CPNE4: variants seen among roughly 807,000 people sequenced by gnomAD.
CPNE4 encodes the protein copine 4, also known as copine-4.
A neutral mutation model predicts 67.9 loss-of-function variants in CPNE4; 25 were observed. That is an observed-to-expected ratio of 0.37 (90% CI 0.27 to 0.51). The LOEUF (loss-of-function observed/expected upper bound fraction) is 0.51. Among genes scored for constraint, CPNE4 ranks in the 20% least tolerant of loss-of-function variants. The pLI, the probability that CPNE4 is intolerant of heterozygous loss-of-function variation, is 0.93. For synonymous variants in CPNE4, 242 were observed against 244.9 expected, an observed-to-expected ratio of 0.99 and a Z score of 0.11; for missense variants, 464 against 690.8, an observed-to-expected ratio of 0.67 and a Z score of 3.68.
At chr3:131,819,959 T>G (rs547687558) in intron 2 of CPNE4, among the ~76,000 whole-genome samples, 2 of 152,336 alleles carry the variant, frequency 1.3e-5, no homozygotes, top group East Asian at 3.9e-4. Flanking sequence ...CTGGAAGGAA[T>G]TGACTTTTGG....
rs2071424814 is a variant in CPNE4, at chr3:131,942,463, T to TGTGAGA, written c.-1-37020_-1-37019insTCTCAC. ...GTGTGTGTGTGTGTGTGTGTGTGTG[T>TGTGAGA]GAGAGAGAGAGAGAGAGAGAGAGAG... On this transcript the variant is annotated intron_variant, in intron 1 of 15. Coordinates refer to ENST00000429747, the MANE Select transcript of CPNE4 (RefSeq NM_130808.3). Among the ~76,000 whole-genome samples the TGTGAGA allele has an allele frequency of 4.2e-4, 30 of 70,774 alleles. 1 individual carries two copies. Among genetic ancestry groups the TGTGAGA allele is most frequent in the African/African-American group, 9.0e-4 (18 of 20,084 alleles). 46.4% of individuals were successfully genotyped at this position (70,774 alleles called of 152,430 possible).
intron 1 of CPNE4, among the ~76,000 whole-genome samples, chr3:131,949,287 C>T (rs1170824238): frequency 6.6e-6 from 1 of 152,166 alleles, no homozygotes; most frequent in Non-Finnish European, 1.5e-5. Flanking sequence ...CACTCAGTTT[C>T]TTCATTAGCT....
intron 7 of CPNE4, among the ~76,000 whole-genome samples, chr3:131,588,899 G>C (rs999198615): frequency 2.0e-5 from 3 of 152,018 alleles, no homozygotes; most frequent in Admixed American, 2.0e-4. Context: ...TTGTCTCCTT[G>C]TCTCACTTGT....
chr3:131,726,067 T>C (rs1280464645), intron 2 of CPNE4, among the ~76,000 whole-genome samples: 1 of 152,208 alleles, frequency 6.6e-6, no homozygotes, highest in Non-Finnish European at 1.5e-5. Context: ...GTGGGTGCAT[T>C]TGACATCCTC....
At chr3:131,944,807 T>C (rs1012682435) in intron 1 of CPNE4, among the ~76,000 whole-genome samples, 2 of 152,114 alleles carry the variant, frequency 1.3e-5, no homozygotes, top group Non-Finnish European at 2.9e-5. Context: ...CAAATGCCAA[T>C]ATGCATCTAA....
At chr3:131,567,110 G>T (rs1937098292) in intron 10 of CPNE4, among the ~76,000 whole-genome samples, 1 of 151,926 alleles carries the variant, frequency 6.6e-6, no homozygotes, top group African/African-American at 2.4e-5. Context: ...TGTGCTGGTT[G>T]TCTGACTGAA....
At chr3:131,782,485 C>CAT in intron 2 of CPNE4, among the ~76,000 whole-genome samples, 1 of 152,046 alleles carries the variant, frequency 6.6e-6, no homozygotes, top group East Asian at 1.9e-4. Flanking sequence ...CACACACATG[C>CAT]ACACACATGC....
intron 2 of CPNE4, among the ~76,000 whole-genome samples, chr3:131,843,272 G>T (rs939385528): frequency 3.3e-5 from 5 of 152,306 alleles, no homozygotes; most frequent in Admixed American, 2.6e-4. Context: ...GAAAATCAGA[G>T]AATCTGCAAG....
intron 7 of CPNE4, among the ~76,000 whole-genome samples, chr3:131,626,763 C>T (rs1447707049): frequency 6.6e-6 from 1 of 152,156 alleles, no homozygotes; most frequent in Non-Finnish European, 1.5e-5. Context: ...AAAGTAAATG[C>T]CATCTAGGAC....
At chr3:131,897,458 G>C (rs1055834043) in intron 2 of CPNE4, among the ~76,000 whole-genome samples, 5 of 152,092 alleles carry the variant, frequency 3.3e-5, no homozygotes, top group African/African-American at 9.7e-5. Flanking sequence ...GATAGCAGGA[G>C]GACAGTTTTG....
chr3:131,934,915 A>G (rs1423383594), intron 1 of CPNE4, among the ~76,000 whole-genome samples: 2 of 152,198 alleles, frequency 1.3e-5, no homozygotes, highest in Non-Finnish European at 2.9e-5. Flanking sequence ...TTGTGCTGGA[A>G]AAAGGGAGAT....
At chr3:131,915,629 G>A (rs2089154048) in intron 1 of CPNE4, among the ~76,000 whole-genome samples, 1 of 152,126 alleles carries the variant, frequency 6.6e-6, no homozygotes, top group African/African-American at 2.4e-5. Context: ...TGGACAATAT[G>A]CATACATGAA....
At chr3:131,855,953 T>C (rs963602489) in intron 2 of CPNE4, among the ~76,000 whole-genome samples, 1 of 151,974 alleles carries the variant, frequency 6.6e-6, no homozygotes, top group African/African-American at 2.4e-5. Context: ...CCTGCCTTTC[T>C]GAGTTCTCCT....
At chr3:131,574,072 G>C (rs760184114) in intron 10 of CPNE4, among the ~76,000 whole-genome samples, 1 of 151,950 alleles carries the variant, frequency 6.6e-6, no homozygotes, top group Non-Finnish European at 1.5e-5. Context: ...TTGGTTCCAG[G>C]AATATATAGG....
chr3:131,631,059 C>T (rs577724250), intron 7 of CPNE4, among the ~76,000 whole-genome samples: 3 of 152,178 alleles, frequency 2.0e-5, no homozygotes, highest in East Asian at 1.9e-4. Context: ...ACTTGGATGA[C>T]CTCCCAGGCC....
At chr3:131,740,296 G>T (rs2082327393) in intron 2 of CPNE4, among the ~76,000 whole-genome samples, 1 of 152,092 alleles carries the variant, frequency 6.6e-6, no homozygotes, top group Non-Finnish European at 1.5e-5. Context: ...CTCTAGACTG[G>T]CTCCCTAGGT....
intron 2 of CPNE4, among the ~76,000 whole-genome samples, chr3:131,872,529 C>A (rs1183014958): frequency 6.6e-6 from 1 of 152,170 alleles, no homozygotes; most frequent in African/African-American, 2.4e-5. Context: ...AAGGTCCACC[C>A]ACTTTAGGAA....
At chr3:131,984,486 C>A (rs1423087973) in intron 1 of CPNE4, among the ~76,000 whole-genome samples, 2 of 152,166 alleles carry the variant, frequency 1.3e-5, no homozygotes, top group African/African-American at 2.4e-5. Flanking sequence ...TCTTCTCCCC[C>A]ACCTCTATCA....
In CPNE4 at chr3:131,880,829, G is replaced by T. The variant is rs4854850; in HGVS notation, c.180+24435C>A. Among the ~76,000 whole-genome samples the T allele has an allele frequency of 6.9e-3, 1,048 of 152,000 alleles. 11 individuals carry two copies. The highest frequency in any genetic ancestry group is 0.024 in the African/African-American group (984 of 41,466). On this transcript the variant is annotated intron_variant, in intron 2 of 15. Coordinates refer to ENST00000429747, the MANE Select transcript of CPNE4 (RefSeq NM_130808.3). ...CTTTAGATAAGAGAGCTGAGAAATA[G>T]GTTGCTTTGAACACAAGATGCGTTA...
Sources: allele counts gnomAD v4.1 joint callset (sites outside exome capture counted in the v4.1 genomes callset), GRCh38; gene constraint gnomAD v4.1.1; transcripts MANE v1.5; gene names NCBI Gene and HGNC (gene_info 2026-07-23, HGNC 2026-07-21).